CTIF: variants seen among roughly 807,000 people sequenced by gnomAD.
CTIF encodes CBP80/20-dependent translation initiation factor.
CTIF carries 21 observed loss-of-function variants against 66.0 expected under a neutral mutation model. That is an observed-to-expected ratio of 0.32 (90% CI 0.23 to 0.46). The LOEUF (loss-of-function observed/expected upper bound fraction) is 0.46, where lower values mean the gene tolerates loss of function less well. CTIF is among the 20% of genes least tolerant of loss of function. The probability of loss-of-function intolerance (pLI) is 1.00; values close to 1 mark genes in which losing one functional copy is unlikely to be tolerated. For synonymous variants in CTIF, 345 were observed against 326.4 expected (o/e 1.06, Z -0.62); for missense variants, 739 against 812.7 (o/e 0.91, Z 1.10).
intron 10 of CTIF, among the ~76,000 whole-genome samples, chr18:48,820,881 T>C (rs1238490150): frequency 6.6e-6 from 1 of 152,212 alleles, no homozygotes; most frequent in Non-Finnish European, 1.5e-5. Context: ...CTGGGGGTCC[T>C]TGTGCTCACA....
At chr18:48,847,794 CT>C (rs2069113032) in intron 10 of CTIF, among the ~76,000 whole-genome samples, 2 of 152,210 alleles carry the variant, frequency 1.3e-5, no homozygotes, top group African/African-American at 4.8e-5. Context: ...ATGCCAGGGG[CT>C]GGTCTTAGTG....
intron 2 of CTIF, among the ~76,000 whole-genome samples, chr18:48,620,691 A>C (rs1275086603): frequency 6.6e-6 from 1 of 152,216 alleles, no homozygotes; most frequent in Non-Finnish European, 1.5e-5. Context: ...ATCTGGAGTC[A>C]GGGTTCTGGG....
In CTIF at chr18:48,663,643, C is replaced by G; in HGVS notation, c.253-109C>G. 3 of 961,354 alleles carry G rather than the reference C, an allele frequency of 3.1e-6. No homozygotes were observed. In the Middle Eastern group the frequency reaches 6.7e-4, roughly 213 times the overall value. 59.6% of individuals were successfully genotyped at this position (961,354 alleles called of 1,614,324 possible). A position where few individuals can be genotyped will look rare whatever the true frequency, so the allele number is the denominator to read the frequency against. ...CTGACTGGGTGCACCAGCCACCATACTCACTTGGGGGCTCACTCCAGCCCC... is the reference window on the plus strand; with the variant it reads ...CTGACTGGGTGCACCAGCCACCATAGTCACTTGGGGGCTCACTCCAGCCCC... On this transcript the variant is annotated intron_variant, in intron 3 of 11. Transcript: ENST00000256413.
intron 1 of CTIF, among the ~76,000 whole-genome samples, chr18:48,582,098 G>A (rs2089670098): frequency 6.6e-6 from 1 of 152,046 alleles, no homozygotes; most frequent in Non-Finnish European, 1.5e-5. Flanking sequence ...AGAAGTGGGA[G>A]GCGTGGTGGG....
At chr18:48,772,280 T>G (rs1444812223) in intron 9 of CTIF, among the ~76,000 whole-genome samples, 1 of 152,074 alleles carries the variant, frequency 6.6e-6, no homozygotes, top group Non-Finnish European at 1.5e-5. Flanking sequence ...TTGTTACTGT[T>G]TTTCTTTTCT....
At chr18:48,550,051 G>A (rs1383339091) in intron 1 of CTIF, among the ~76,000 whole-genome samples, 1 of 152,100 alleles carries the variant, frequency 6.6e-6, no homozygotes, top group Non-Finnish European at 1.5e-5. Flanking sequence ...ATCACTATAG[G>A]TTTGCCATTT....
chr18:48,780,104 A>C (rs939013982), intron 9 of CTIF, among the ~76,000 whole-genome samples: 4 of 152,144 alleles, frequency 2.6e-5, no homozygotes, highest in Non-Finnish European at 4.4e-5. Flanking sequence ...TGGCACCTTT[A>C]ACTGGTCCCT....
At chr18:48,597,640 C>T (rs1385176555) in intron 1 of CTIF, among the ~76,000 whole-genome samples, 1 of 151,574 alleles carries the variant, frequency 6.6e-6, no homozygotes, top group African/African-American at 2.4e-5. Context: ...TGAGTGAAAG[C>T]TCCCTGAAGC....
intron 9 of CTIF, among the ~76,000 whole-genome samples, chr18:48,793,502 A>G (rs1315394158): frequency 6.6e-6 from 1 of 152,122 alleles, no homozygotes; most frequent in East Asian, 1.9e-4. Flanking sequence ...TTAAGTTTTT[A>G]GCGCCCACTA....
At chr18:48,734,767 A>G (rs2092485445) in intron 7 of CTIF, among the ~76,000 whole-genome samples, 1 of 152,114 alleles carries the variant, frequency 6.6e-6, no homozygotes, top group South Asian at 2.1e-4. Context: ...ATGGATAGGA[A>G]GCAGGGGCTG....
At chr18:48,815,127 G>A (rs1285768697) in intron 9 of CTIF, among the ~76,000 whole-genome samples, 2 of 152,114 alleles carry the variant, frequency 1.3e-5, no homozygotes, top group African/African-American at 2.4e-5. Flanking sequence ...AACAAAAATG[G>A]GTAACTGTGA....
intron 7 of CTIF, among the ~76,000 whole-genome samples, chr18:48,732,491 A>T (rs1158404094): frequency 6.6e-6 from 1 of 151,968 alleles, no homozygotes; most frequent in African/African-American, 2.4e-5. Flanking sequence ...TGCCCACCAC[A>T]GGGCAACCAC....
At chr18:48,696,495 C>T (rs1291019437) in intron 6 of CTIF, among the ~76,000 whole-genome samples, 5 of 152,274 alleles carry the variant, frequency 3.3e-5, no homozygotes, top group East Asian at 1.9e-4. Flanking sequence ...ACATATTGCT[C>T]TCTTTATGGG....
At chr18:48,605,886 T>A (rs2090192010) in intron 1 of CTIF, among the ~76,000 whole-genome samples, 1 of 152,210 alleles carries the variant, frequency 6.6e-6, no homozygotes, top group Admixed American at 6.5e-5. Context: ...TAGAGTGGGT[T>A]CCTGATGGAA....
intron 6 of CTIF, among the ~76,000 whole-genome samples, chr18:48,711,072 G>C (rs76954342): frequency 0.024 from 3,677 of 152,288 alleles, 46 homozygotes; most frequent in Middle Eastern, 0.065. Context: ...AGAAGATCTT[G>C]GGTAAAAATT....
chr18:48,648,495 A>G (rs1012909081), intron 3 of CTIF, among the ~76,000 whole-genome samples: 2 of 144,816 alleles, frequency 1.4e-5, no homozygotes, highest in South Asian at 4.3e-4. Context: ...ACACGCACAC[A>G]CACACACAAA....
In CTIF at chr18:48,730,602, TCTGCTGTGTGAGGGGCTC is replaced by T. The variant is rs1410233240; in HGVS notation, c.584+18912_584+18929del. On this transcript the variant is annotated intron_variant, in intron 7 of 11. Transcript: ENST00000256413. ...AGGGGCCCCTGTGGTGTGAGGGGCT[TCTGCTGTGTGAGGGGCTC>T]CTGCGGTGTGAGGGGCCCCTGTGGT... Among the ~76,000 whole-genome samples, 49 of 7,698 alleles carry T rather than the reference TCTGCTGTGTGAGGGGCTC, an allele frequency of 6.4e-3. 2 individuals are homozygous for T. The highest frequency in any genetic ancestry group is 0.012 in the Non-Finnish European group (35 of 2,882). 5.1% of individuals were successfully genotyped at this position (7,698 alleles called of 152,430 possible).
At chr18:48,574,819 C>T (rs550449053) in intron 1 of CTIF, among the ~76,000 whole-genome samples, 10 of 152,320 alleles carry the variant, frequency 6.6e-5, no homozygotes, top group Non-Finnish European at 1.2e-4. Flanking sequence ...AGACACAGCC[C>T]TGGACTGTCA....
intron 7 of CTIF, among the ~76,000 whole-genome samples, chr18:48,725,814 T>A (rs1406085027): frequency 1.3e-5 from 2 of 152,090 alleles, no homozygotes; most frequent in East Asian, 1.9e-4. Flanking sequence ...CAAGGCAGAT[T>A]TTTTTGCTCC....
Sources: allele counts gnomAD v4.1 joint callset (sites outside exome capture counted in the v4.1 genomes callset), GRCh38; gene constraint gnomAD v4.1.1; transcripts MANE v1.5; gene names NCBI Gene and HGNC (gene_info 2026-07-23, HGNC 2026-07-21).